Variants in MANBA observed in about 807,000 individuals in gnomAD.
MANBA encodes the protein beta-mannosidase.
In MANBA, 83 loss-of-function variants were observed where a neutral mutation model predicts 111.1. The observed-to-expected ratio is 0.75, with a 90% confidence interval of 0.63 to 0.90. MANBA has a LOEUF of 0.90. MANBA is among the 40% of genes least tolerant of loss of function. MANBA has a pLI of 0.00. For missense variants in MANBA, 1,036 were observed against 1,069.0 expected, an observed-to-expected ratio of 0.97 and a Z score of 0.43; for synonymous variants, 370 against 378.7, an observed-to-expected ratio of 0.98 and a Z score of 0.27.
chr4:102,714,236 C>T (rs923418906), intron 5 of MANBA, among the ~76,000 whole-genome samples: 3 of 152,148 alleles, frequency 2.0e-5, no homozygotes, highest in Non-Finnish European at 4.4e-5. Context: ...CTAAAAGATA[C>T]CTACCTACAT....
At chr4:102,664,987 G>C in intron 10 of MANBA, 135 bp from the exon 11 acceptor site, 2 of 663,182 alleles carry the variant, frequency 3.0e-6, no homozygotes, top group Non-Finnish European at 5.2e-6. Context: ...ATTTGAAAAT[G>C]GCTAGTCATG....
chr4:102,759,311 C>T (rs1724146847), intron 1 of MANBA, among the ~76,000 whole-genome samples: 2 of 151,290 alleles, frequency 1.3e-5, no homozygotes, highest in Admixed American at 6.6e-5. Flanking sequence ...AAAGCTCTCA[C>T]GTACCAGCAC....
chr4:102,715,529 G>A (rs1205641070), intron 4 of MANBA, among the ~76,000 whole-genome samples: 5 of 152,074 alleles, frequency 3.3e-5, no homozygotes, highest in African/African-American at 1.2e-4. Context: ...GGGTACAAGT[G>A]CAGGTTTGTT....
chr4:102,691,123 A>G (rs1732456704), intron 5 of MANBA, among the ~76,000 whole-genome samples: 1 of 152,096 alleles, frequency 6.6e-6, no homozygotes, highest in Non-Finnish European at 1.5e-5. Context: ...TTAATTAAGT[A>G]AAAATACTTT....
At chr4:102,755,067 C>T (rs537583383) in intron 1 of MANBA, among the ~76,000 whole-genome samples, 25 of 152,216 alleles carry the variant, frequency 1.6e-4, no homozygotes, top group East Asian at 7.7e-4. Context: ...ATAGATTCAA[C>T]GCCATCCCCA....
At chr4:102,650,103 C>T (rs115548923) in intron 13 of MANBA, among the ~76,000 whole-genome samples, 124 of 152,226 alleles carry the variant, frequency 8.1e-4, no homozygotes, top group African/African-American at 2.8e-3. Context: ...AAGGTATCCA[C>T]GTGATTCACC....
chr4:102,710,322 CAAAGTCAACATACA>C (rs1321556961), intron 5 of MANBA, among the ~76,000 whole-genome samples: 1 of 152,002 alleles, frequency 6.6e-6, no homozygotes, highest in Non-Finnish European at 1.5e-5. Flanking sequence ...TTGTAGGACA[CAAAGTCAACATACA>C]AAAATTAGTA....
At position 102,631,408 on chromosome 4, in the gene MANBA, T is replaced by TA. The variant is rs1464224187; in HGVS notation, c.*648dup. On this transcript the variant is annotated 3_prime_UTR_variant, in exon 17 of 17. Coordinates refer to ENST00000647097, the MANE Select transcript of MANBA (RefSeq NM_005908.4). ...TACCAAGCAGAATAATAACGAGAAC[T>TA]AAATGGAAATTAGGGTCCAGCACAG... is the stretch of plus-strand genomic sequence containing the variant. The TA allele has an allele frequency of 2.9e-5, 6 of 206,320 alleles. No homozygotes were observed. Among genetic ancestry groups the TA allele is most frequent in the Non-Finnish European group, 5.7e-5 (6 of 104,914 alleles). The allele number at this position is 206,320 out of a possible 1,614,324, so 12.8% of individuals were successfully genotyped here.
At chr4:102,728,902 G>T in intron 1 of MANBA, 1 of 752,912 alleles carries the variant, frequency 1.3e-6, no homozygotes, top group Non-Finnish European at 2.4e-6. Context: ...CACAGGCCGA[G>T]CTCAGATCAC....
intron 5 of MANBA, among the ~76,000 whole-genome samples, chr4:102,704,005 G>A (rs145249091): frequency 0.028 from 4,209 of 152,072 alleles, 138 homozygotes; most frequent in African/African-American, 0.078. Flanking sequence ...TAAGGCAGGA[G>A]AATCACTTGA....
intron 13 of MANBA, 93 bp downstream of exon 13, chr4:102,650,444 G>A (rs1296192081): frequency 2.3e-6 from 3 of 1,288,344 alleles, no homozygotes; most frequent in East Asian, 4.6e-5. Flanking sequence ...ATGAAAACCT[G>A]AATATTTTTC....
At chr4:102,720,765 A>C (rs1444812904) in intron 4 of MANBA, among the ~76,000 whole-genome samples, 1 of 152,222 alleles carries the variant, frequency 6.6e-6, no homozygotes, top group Non-Finnish European at 1.5e-5. Context: ...AAATTGTCAA[A>C]GCAATACTCT....
At chr4:102,753,951 G>T (rs223492) in intron 1 of MANBA, 1 of 423,606 alleles carries the variant, frequency 2.4e-6, no homozygotes, top group South Asian at 1.6e-5. Context: ...ATGCAGTGAG[G>T]AAGATGATGC....
intron 1 of MANBA, chr4:102,734,513 T>C: frequency 6.2e-7 from 1 of 1,607,876 alleles, no homozygotes; most frequent in Non-Finnish European, 8.5e-7. Context: ...AGGTGGAGGC[T>C]GAACCATCTG....
chr4:102,715,240 T>C (rs1722273361), intron 4 of MANBA, among the ~76,000 whole-genome samples: 1 of 152,200 alleles, frequency 6.6e-6, no homozygotes, highest in Non-Finnish European at 1.5e-5. Flanking sequence ...CTCTGTGTCA[T>C]GGGGCAGCTC....
intron 1 of MANBA, among the ~76,000 whole-genome samples, chr4:102,742,742 A>G (rs1237729568): frequency 6.6e-6 from 1 of 152,194 alleles, no homozygotes; most frequent in Non-Finnish European, 1.5e-5. Context: ...TGCGTGCAGG[A>G]TAGGCAAACC....
intron 5 of MANBA, among the ~76,000 whole-genome samples, chr4:102,693,547 T>C (rs1732577613): frequency 6.6e-6 from 1 of 152,138 alleles, no homozygotes; most frequent in Non-Finnish European, 1.5e-5. Context: ...GGCCAACACC[T>C]TTATCTCGGA....
At chr4:102,745,093 C>T (rs1306839020) in intron 1 of MANBA, among the ~76,000 whole-genome samples, 1 of 152,154 alleles carries the variant, frequency 6.6e-6, no homozygotes, top group Non-Finnish European at 1.5e-5. Flanking sequence ...ACCTGATCTC[C>T]ATAAGCCTCT....
chr4:102,741,737 G>C (rs1723411261), intron 1 of MANBA, among the ~76,000 whole-genome samples: 1 of 152,144 alleles, frequency 6.6e-6, no homozygotes, highest in Non-Finnish European at 1.5e-5. Context: ...GATGCAAAAG[G>C]CTTAAGAATG....
Sources: gnomAD v4.1 joint callset for allele counts (sites outside exome capture counted in the v4.1 genomes callset) on GRCh38, gnomAD v4.1.1 for gene constraint, MANE v1.5 for transcripts, NCBI Gene and HGNC (gene_info 2026-07-23, HGNC 2026-07-21) for gene names.